The following MYO5B variants were observed in gnomAD, a reference collection of about 807,000 sequenced individuals.
MYO5B encodes myosin VB.
In MYO5B, 143 loss-of-function variants were observed where a neutral mutation model predicts 229.3. The ratio of observed to expected loss-of-function variants is 0.62; its 90% CI spans 0.54 to 0.72. MYO5B has a LOEUF of 0.72. Ranked by LOEUF, MYO5B falls within the 30% of genes least tolerant of loss-of-function variation. The probability of loss-of-function intolerance (pLI) is 0.00; values close to 1 mark genes in which losing one functional copy is unlikely to be tolerated. For missense variants in MYO5B, 2,321 were observed against 2,331.0 expected (o/e 1.00, Z 0.09); for synonymous variants, 918 against 885.2 (o/e 1.04, Z -0.66).
rs1192023141 is a variant in MYO5B, at chr18:49,879,011, A to G, written c.3210T>C (p.Leu1070=). The G allele has an allele frequency of 6.2e-7, 1 of 1,613,744 alleles. No homozygotes were observed. Among genetic ancestry groups the G allele is most frequent in the East Asian group, 2.2e-5 (1 of 44,832 alleles). ...LEEERSRYQN[L]VKEYSQLEQR... is the part of the protein sequence containing the mutation. The stretch of plus-strand genomic sequence containing the variant: ...GCTCCAACTGTGAATATTCCTTCAC[A>G]AGGTTCTGGTACCGGGATCGCTCCT... Residue 1070 remains leucine, a synonymous_variant, in exon 24 of 40, where the codon CTT becomes CTC. Transcript: ENST00000285039.
At chr18:49,880,264 C>T in intron 23 of MYO5B, 107 bp downstream of exon 23, 2 of 931,234 alleles carry the variant, frequency 2.1e-6, no homozygotes, top group Non-Finnish European at 3.6e-6. Flanking sequence ...ATCCTTTCCC[C>T]ACTGTAGCCT....
At chr18:49,923,625 T>C (rs998442824) in intron 17 of MYO5B, among the ~76,000 whole-genome samples, 1 of 152,204 alleles carries the variant, frequency 6.6e-6, no homozygotes, top group African/African-American at 2.4e-5. Flanking sequence ...CAGAGATGTG[T>C]ATAGACCTCT....
At chr18:50,192,789 T>C (rs1013620128) in intron 1 of MYO5B, among the ~76,000 whole-genome samples, 6 of 152,240 alleles carry the variant, frequency 3.9e-5, no homozygotes, top group African/African-American at 1.4e-4. Flanking sequence ...TTGACATGGT[T>C]AAATTCCCAG....
At chr18:49,976,502 G>A (rs1235669372) in intron 9 of MYO5B, among the ~76,000 whole-genome samples, 19 of 152,134 alleles carry the variant, frequency 1.2e-4, no homozygotes, top group Admixed American at 1.2e-3. Flanking sequence ...CAGCTGAACT[G>A]GTTTAATACA....
At chr18:49,937,774 C>T in intron 14 of MYO5B, among the ~76,000 whole-genome samples, 1 of 151,474 alleles carries the variant, frequency 6.6e-6, no homozygotes, top group East Asian at 1.9e-4. Context: ...CATGAAATAT[C>T]CAGGGAATAG....
intron 31 of MYO5B, among the ~76,000 whole-genome samples, chr18:49,852,022 G>C (rs543765249): frequency 6.6e-6 from 1 of 152,302 alleles, no homozygotes; most frequent in South Asian, 2.1e-4. Context: ...CCGGCCAGCA[G>C]CACAGGCCCC....
At chr18:49,937,710 T>C (rs575246854) in intron 14 of MYO5B, among the ~76,000 whole-genome samples, 3 of 152,118 alleles carry the variant, frequency 2.0e-5, no homozygotes, top group East Asian at 1.9e-4. Context: ...AAAAAAATTA[T>C]ACCAAGTGAA....
At chr18:50,061,357 A>G (rs1381918297) in intron 1 of MYO5B, among the ~76,000 whole-genome samples, 1 of 152,166 alleles carries the variant, frequency 6.6e-6, no homozygotes, top group East Asian at 1.9e-4. Context: ...TTAGGCAATG[A>G]TGATGATGAT....
intron 9 of MYO5B, among the ~76,000 whole-genome samples, chr18:49,977,317 C>G (rs530837849): frequency 2.5e-4 from 38 of 152,118 alleles, no homozygotes; most frequent in Middle Eastern, 3.4e-3. Flanking sequence ...ATTCAAGAAA[C>G]AAATTGAATG....
chr18:49,880,294 G>T lies in MYO5B; in HGVS notation c.3130+77C>A, dbSNP rs1173060812. 4.9e-6 allele frequency: 6 copies of T among 1,235,546 alleles called. No homozygotes were observed. In the Admixed American group the frequency reaches 5.0e-5, roughly 10 times the overall value. 76.5% of individuals were successfully genotyped at this position (1,235,546 alleles called of 1,614,324 possible). A position where few individuals can be genotyped will look rare whatever the true frequency, so the allele number is the denominator to read the frequency against. ...TAGCCTCTAGTCTAACTGCATGCTT[G>T]CTAGGAGTCTTTGGGAGAAGTCAGT... On this transcript the variant is annotated intron_variant, in intron 23 of 39. Coordinates refer to ENST00000285039, the MANE Select transcript of MYO5B (RefSeq NM_001080467.3).
chr18:50,148,857 T>G (rs986045696), intron 1 of MYO5B, among the ~76,000 whole-genome samples: 4 of 152,178 alleles, frequency 2.6e-5, no homozygotes, highest in East Asian at 1.9e-4. Flanking sequence ...GAGAAGGAAA[T>G]AAAGGGTATT....
intron 1 of MYO5B, among the ~76,000 whole-genome samples, chr18:50,055,875 T>A (rs559314921): frequency 6.6e-6 from 1 of 152,306 alleles, no homozygotes; most frequent in East Asian, 1.9e-4. Context: ...ATGGAAAGTG[T>A]ATTTAAGTAT....
intron 5 of MYO5B, among the ~76,000 whole-genome samples, chr18:49,996,537 G>C (rs1299952412): frequency 6.6e-6 from 1 of 152,218 alleles, no homozygotes; most frequent in East Asian, 1.9e-4. Flanking sequence ...AGAGTGAAAA[G>C]TTGCAAACTG....
At chr18:49,988,681 C>T (rs1415820129) in intron 7 of MYO5B, among the ~76,000 whole-genome samples, 10 of 152,100 alleles carry the variant, frequency 6.6e-5, no homozygotes, top group African/African-American at 2.2e-4. Context: ...AAGTTGGCCC[C>T]GAAAAGCCCT....
chr18:49,948,559 A>G lies in MYO5B; in HGVS notation c.1752+4701T>C, dbSNP rs576850978. On this transcript the variant is annotated intron_variant, in intron 14 of 39. Transcript: ENST00000285039. ...ACATCTTAAACAGGAAGCAAAGTAC[A>G]TTTGAGAACATTTTATAGTATGTTT... Among the ~76,000 whole-genome samples the G allele has an allele frequency of 3.3e-4, 51 of 152,362 alleles. 1 individual carries two copies. In the South Asian group the frequency reaches 0.01, roughly 31 times the overall value.
intron 2 of MYO5B, among the ~76,000 whole-genome samples, chr18:50,045,770 C>A (rs1375709707): frequency 6.6e-6 from 1 of 152,224 alleles, no homozygotes; most frequent in Non-Finnish European, 1.5e-5. Flanking sequence ...ACACATTAGA[C>A]AACTGAGATA....
intron 30 of MYO5B, among the ~76,000 whole-genome samples, chr18:49,853,994 A>T (rs1246265924): frequency 6.6e-6 from 1 of 152,248 alleles, no homozygotes; most frequent in Non-Finnish European, 1.5e-5. Flanking sequence ...CTCTTAAAGC[A>T]TCTTTTAAAT....
chr18:50,072,055 G>A (rs1443179570), intron 1 of MYO5B, among the ~76,000 whole-genome samples: 1 of 152,182 alleles, frequency 6.6e-6, no homozygotes, highest in African/African-American at 2.4e-5. Flanking sequence ...AGGTCTCCTT[G>A]GTACCACTAG....
rs75996246 is a variant in MYO5B, at chr18:50,151,215, T to C, written c.27+43552A>G. Among the ~76,000 whole-genome samples the C allele has an allele frequency of 5.5e-3, 843 of 152,310 alleles. 7 individuals are homozygous for C. Among genetic ancestry groups the C allele is most frequent in the African/African-American group, 0.019 (805 of 41,566 alleles). On this transcript the variant is annotated intron_variant, in intron 1 of 39. Transcript: ENST00000285039. ...GGAAAAAACAGTTCTGAAAAATACA[T>C]GTACCAAGGCTTTGTAGTTCAGAGT... is the stretch of plus-strand genomic sequence containing the variant.
Sources: allele counts gnomAD v4.1 joint callset (sites outside exome capture counted in the v4.1 genomes callset), GRCh38; gene constraint gnomAD v4.1.1; transcripts MANE v1.5; gene names NCBI Gene and HGNC (gene_info 2026-07-23, HGNC 2026-07-21).